CADM2: variants seen among roughly 807,000 people sequenced by gnomAD.
CADM2 encodes cell adhesion molecule 2, also known as immunoglobulin superfamily member 4D.
CADM2 carries 12 observed loss-of-function variants against 49.8 expected under a neutral mutation model. The ratio of observed to expected loss-of-function variants is 0.24; its 90% CI spans 0.15 to 0.39. CADM2 has a LOEUF of 0.39. Among genes scored for constraint, CADM2 ranks in the 10% least tolerant of loss-of-function variants. CADM2 has a pLI of 1.00. For synonymous variants in CADM2, 214 were observed against 175.4 expected (o/e 1.22, Z -1.74); for missense variants, 378 against 492.3 (o/e 0.77, Z 2.20).
intron 2 of CADM2, among the ~76,000 whole-genome samples, chr3:85,793,864 G>A (rs2108042061): frequency 6.6e-6 from 1 of 152,260 alleles, no homozygotes; most frequent in Non-Finnish European, 1.5e-5. Context: ...TAAAATGGAT[G>A]TTGATGCAAG....
chr3:85,291,315 G>T lies in CADM2; in HGVS notation c.61+331647G>T, dbSNP rs1302801232. 3.3e-5 allele frequency among the ~76,000 whole-genome samples: 5 copies of T among 151,798 alleles called. 1 individual carries two copies. In the East Asian group the frequency reaches 5.8e-4, roughly 18 times the overall value. On this transcript the variant is annotated intron_variant, in intron 1 of 9. Coordinates refer to ENST00000383699, the MANE Select transcript of CADM2 (RefSeq NM_001167675.2). ...AAAAGACCAAATCTACATCTGATTGGTGTACCTGAAAGTGACGGGGAGAAT... is the reference window on the plus strand; with the variant it reads ...AAAAGACCAAATCTACATCTGATTGTTGTACCTGAAAGTGACGGGGAGAAT...
intron 1 of CADM2, among the ~76,000 whole-genome samples, chr3:85,281,351 A>T (rs75941454): frequency 0.1 from 15,853 of 151,992 alleles, 966 homozygotes; most frequent in African/African-American, 0.17. Flanking sequence ...TGTTATTTTA[A>T]ATTTTGGGCA....
At chr3:85,350,440 C>A (rs1329149949) in intron 1 of CADM2, among the ~76,000 whole-genome samples, 1 of 152,126 alleles carries the variant, frequency 6.6e-6, no homozygotes, top group Non-Finnish European at 1.5e-5. Flanking sequence ...TACCTCCAAG[C>A]CCTGTACAGC....
chr3:84,997,332 C>T (rs569412937), intron 1 of CADM2, among the ~76,000 whole-genome samples: 1 of 152,036 alleles, frequency 6.6e-6, no homozygotes, highest in East Asian at 1.9e-4. Flanking sequence ...ATAAACCTCT[C>T]TAATTATGTG....
At chr3:85,667,643 G>T (rs1180567333) in intron 1 of CADM2, among the ~76,000 whole-genome samples, 1 of 151,988 alleles carries the variant, frequency 6.6e-6, no homozygotes, top group Non-Finnish European at 1.5e-5. Context: ...TTCTCTCAGT[G>T]TAGCAAAGGG....
chr3:85,193,004 A>G lies in CADM2; in HGVS notation c.61+233336A>G, dbSNP rs556681675. On this transcript the variant is annotated intron_variant, in intron 1 of 9. Coordinates refer to ENST00000383699, the MANE Select transcript of CADM2 (RefSeq NM_001167675.2). ...AGGAGATTTAAGAGATGCAGAAGCT[A>G]TCCAGAAAGGGAGATGCTTTGGCTT... Among the ~76,000 whole-genome samples the G allele has an allele frequency of 1.7e-3, 260 of 152,252 alleles. 1 individual carries two copies. The highest frequency in any genetic ancestry group is 4.3e-3 in the Admixed American group (65 of 15,266).
At chr3:86,035,525 C>G (rs936923341) in intron 8 of CADM2, among the ~76,000 whole-genome samples, 3 of 151,990 alleles carry the variant, frequency 2.0e-5, no homozygotes, top group African/African-American at 7.2e-5. Context: ...TAAATAAGAA[C>G]GCATATATAG....
chr3:85,764,382 G>A (rs1415156334), intron 2 of CADM2, among the ~76,000 whole-genome samples: 2 of 152,040 alleles, frequency 1.3e-5, no homozygotes, highest in African/African-American at 4.8e-5. Context: ...ATGGGAAGAT[G>A]AAATCTTTTT....
At chr3:85,110,227 C>T (rs376091027) in intron 1 of CADM2, among the ~76,000 whole-genome samples, 1 of 151,620 alleles carries the variant, frequency 6.6e-6, no homozygotes. Context: ...AGCAGGAGGT[C>T]TATTCGTATA....
chr3:85,492,446 G>A (rs563286851), intron 1 of CADM2, among the ~76,000 whole-genome samples: 5 of 151,918 alleles, frequency 3.3e-5, no homozygotes, highest in Non-Finnish European at 7.4e-5. Context: ...ACAAAAATTC[G>A]CCCGGCATGA....
chr3:85,273,594 C>A (rs1335461279), intron 1 of CADM2, among the ~76,000 whole-genome samples: 2 of 151,212 alleles, frequency 1.3e-5, no homozygotes, highest in Non-Finnish European at 3.0e-5. Flanking sequence ...GGACCCCCCC[C>A]AAATTTTGAT....
intron 1 of CADM2, among the ~76,000 whole-genome samples, chr3:85,354,040 G>A (rs764121724): frequency 1.3e-5 from 2 of 151,376 alleles, no homozygotes; most frequent in Non-Finnish European, 2.9e-5. Context: ...GAGCTTATTA[G>A]GAATAGAACT....
At chr3:85,044,347 G>C (rs562865517) in intron 1 of CADM2, among the ~76,000 whole-genome samples, 44 of 152,258 alleles carry the variant, frequency 2.9e-4, no homozygotes, top group African/African-American at 1.0e-3. Context: ...GGTAATGTGA[G>C]ATTTAAAATG....
intron 1 of CADM2, among the ~76,000 whole-genome samples, chr3:85,140,847 C>T (rs910749455): frequency 6.6e-6 from 1 of 152,138 alleles, no homozygotes; most frequent in Non-Finnish European, 1.5e-5. Flanking sequence ...TGCAGACTTG[C>T]TTTTAATTAG....
chr3:85,983,224 C>T (rs1238532750), intron 8 of CADM2, among the ~76,000 whole-genome samples: 1 of 151,676 alleles, frequency 6.6e-6, no homozygotes, highest in Admixed American at 6.6e-5. Flanking sequence ...CGCAACTCTT[C>T]AGCTTGTGTT....
chr3:85,539,140 T>TAAAAAA (rs140132068), intron 1 of CADM2, among the ~76,000 whole-genome samples: 11 of 148,372 alleles, frequency 7.4e-5, no homozygotes, highest in African/African-American at 2.0e-4. Flanking sequence ...AGATTTACAT[T>TAAAAAA]AAAAAAAAAC....
chr3:85,377,097 A>T (rs1249727398), intron 1 of CADM2, among the ~76,000 whole-genome samples: 1 of 152,136 alleles, frequency 6.6e-6, no homozygotes, highest in Non-Finnish European at 1.5e-5. Flanking sequence ...ATAAGAGCTT[A>T]TACTAATGAA....
At chr3:85,986,182 A>G (rs1425505586) in intron 8 of CADM2, among the ~76,000 whole-genome samples, 2 of 152,062 alleles carry the variant, frequency 1.3e-5, no homozygotes. Flanking sequence ...ATTTGGTTTC[A>G]TTACTGTGTC....
intron 8 of CADM2, among the ~76,000 whole-genome samples, chr3:86,035,312 CT>C (rs138677028): frequency 0.048 from 7,342 of 151,958 alleles, 385 homozygotes; most frequent in African/African-American, 0.14. Context: ...TCTATTTCTC[CT>C]TTTCAATATT....
Sources: allele counts gnomAD v4.1 joint callset (sites outside exome capture counted in the v4.1 genomes callset), GRCh38; gene constraint gnomAD v4.1.1; transcripts MANE v1.5; gene names NCBI Gene and HGNC (gene_info 2026-07-23, HGNC 2026-07-21).